The following SLC12A8 variants were observed in gnomAD, a reference collection of about 807,000 sequenced individuals.
SLC12A8 encodes solute carrier family 12 member 8.
A neutral mutation model predicts 75.6 loss-of-function variants in SLC12A8; 69 were observed. That is an observed-to-expected ratio of 0.91 (90% CI 0.75 to 1.11). The LOEUF is 1.11. SLC12A8 is among the 50% of genes most tolerant of loss of function. The pLI is 0.00. For missense variants in SLC12A8, 877 were observed against 896.7 expected, an observed-to-expected ratio of 0.98 and a Z score of 0.28; for synonymous variants, 365 against 372.8, an observed-to-expected ratio of 0.98 and a Z score of 0.24.
intron 6 of SLC12A8, 146 bp from the exon 7 acceptor site, chr3:125,120,832 C>T (rs1040741264): frequency 1.4e-6 from 1 of 717,412 alleles, no homozygotes; most frequent in Non-Finnish European, 2.5e-6. Flanking sequence ...GCATAGGCTG[C>T]TTTTCAATCT....
intron 5 of SLC12A8, among the ~76,000 whole-genome samples, chr3:125,155,682 C>A (rs1428041061): frequency 4.5e-5 from 6 of 133,772 alleles, no homozygotes; most frequent in East Asian, 2.4e-4. Context: ...ACCTGGGAGG[C>A]GGAGCTTGCA....
chr3:125,200,820 C>T (rs1379838544), intron 2 of SLC12A8, among the ~76,000 whole-genome samples: 3 of 152,134 alleles, frequency 2.0e-5, no homozygotes, highest in Admixed American at 6.5e-5. Context: ...TCATGGCTTT[C>T]GGTTTTAAGT....
intron 4 of SLC12A8, among the ~76,000 whole-genome samples, chr3:125,182,412 T>C (rs1191899187): frequency 2.0e-5 from 3 of 152,140 alleles, no homozygotes; most frequent in Non-Finnish European, 4.4e-5. Flanking sequence ...TAAGTAACCA[T>C]TTAAAAAGCA....
chr3:125,191,772 AT>A (rs1298150134), intron 2 of SLC12A8, among the ~76,000 whole-genome samples: 2 of 152,190 alleles, frequency 1.3e-5, no homozygotes, highest in African/African-American at 4.8e-5. Context: ...ACATCCACAG[AT>A]CAAGAAGGGG....
intron 8 of SLC12A8, among the ~76,000 whole-genome samples, chr3:125,115,032 G>T (rs922506149): frequency 6.6e-6 from 1 of 152,064 alleles, no homozygotes; most frequent in Non-Finnish European, 1.5e-5. Flanking sequence ...TGATCTGTAA[G>T]GGTATGCCCA....
chr3:125,147,457 C>G (rs372902624), intron 5 of SLC12A8, among the ~76,000 whole-genome samples: 1 of 152,160 alleles, frequency 6.6e-6, no homozygotes, highest in Non-Finnish European at 1.5e-5. Flanking sequence ...CTTTGCAAGC[C>G]GTTGTGTGCC....
At chr3:125,137,342 G>A (rs149373816) in intron 5 of SLC12A8, among the ~76,000 whole-genome samples, 326 of 152,334 alleles carry the variant, frequency 2.1e-3, no homozygotes, top group African/African-American at 7.4e-3. Context: ...CACAGAATTT[G>A]TTCTGGCATA....
intron 10 of SLC12A8, among the ~76,000 whole-genome samples, chr3:125,105,342 A>T (rs1018296656): frequency 6.6e-6 from 1 of 152,226 alleles, no homozygotes; most frequent in African/African-American, 2.4e-5. Context: ...ATTCTAAGAC[A>T]ACAGCTTTGT....
Position 125,083,796 on chromosome 3 carries a change from T to A in SLC12A8, c.*94A>T, listed in dbSNP as rs1045019631. The A allele has an allele frequency of 7.2e-6, 9 of 1,247,302 alleles. No individual in the cohort carries two copies. Among genetic ancestry groups the A allele is most frequent in the Non-Finnish European group, 1.0e-5 (9 of 897,012 alleles). The allele number at this position is 1,247,302 out of a possible 1,614,324, so 77.3% of individuals were successfully genotyped here. Reference sequence around the variant, plus strand: ...TGACAGCGGGAGGATGGGTCTTGAGTTTCTCAGGTTGGAGAAGCAGCTCCA... The same window carrying A: ...TGACAGCGGGAGGATGGGTCTTGAGATTCTCAGGTTGGAGAAGCAGCTCCA... On this transcript the variant is annotated 3_prime_UTR_variant, in exon 14 of 14. Coordinates refer to ENST00000469902, the MANE Select transcript of SLC12A8 (RefSeq NM_024628.6).
intron 6 of SLC12A8, among the ~76,000 whole-genome samples, chr3:125,129,791 C>T (rs1933307234): frequency 6.6e-6 from 1 of 152,166 alleles, no homozygotes. Context: ...ATAGCTTAAC[C>T]GAACATCTGC....
intron 5 of SLC12A8, among the ~76,000 whole-genome samples, chr3:125,140,031 C>T (rs1469152327): frequency 2.0e-5 from 3 of 152,214 alleles, no homozygotes; most frequent in Non-Finnish European, 4.4e-5. Flanking sequence ...CTACAACTTC[C>T]CAAGGCCTGA....
intron 5 of SLC12A8, among the ~76,000 whole-genome samples, chr3:125,140,761 C>T (rs74635080): frequency 0.018 from 2,705 of 152,036 alleles, 36 homozygotes; most frequent in Non-Finnish European, 0.028. Flanking sequence ...GCTCTATCAC[C>T]GAGGCTGGAG....
At chr3:125,118,925 C>T (rs1310590594) in intron 7 of SLC12A8, 69 bp from the exon 8 acceptor site, 4 of 1,029,826 alleles carry the variant, frequency 3.9e-6, no homozygotes, top group African/African-American at 3.2e-5. Flanking sequence ...AATTCCCTCA[C>T]TCAACCTTCT....
intron 5 of SLC12A8, among the ~76,000 whole-genome samples, chr3:125,150,478 T>C (rs1933892908): frequency 6.6e-6 from 1 of 152,196 alleles, no homozygotes; most frequent in Non-Finnish European, 1.5e-5. Context: ...TTTCCAAATC[T>C]GAATGTACAT....
intron 5 of SLC12A8, among the ~76,000 whole-genome samples, chr3:125,169,010 G>A (rs953850325): frequency 1.3e-5 from 2 of 152,206 alleles, no homozygotes; most frequent in African/African-American, 2.4e-5. Context: ...TAGAGACCAG[G>A]CTACCGTCTT....
At chr3:125,180,241 G>GCTTGT in intron 4 of SLC12A8, among the ~76,000 whole-genome samples, 1 of 152,288 alleles carries the variant, frequency 6.6e-6, no homozygotes, top group East Asian at 1.9e-4. Flanking sequence ...TGGTGGTTAG[G>GCTTGT]AGCATGAATT....
intron 5 of SLC12A8, among the ~76,000 whole-genome samples, chr3:125,159,150 G>T (rs1214374365): frequency 6.6e-6 from 1 of 152,160 alleles, no homozygotes; most frequent in African/African-American, 2.4e-5. Context: ...AATTTTTTAA[G>T]TATGGTTAGT....
chr3:125,175,382 C>G (rs960525315), intron 5 of SLC12A8, among the ~76,000 whole-genome samples: 1 of 151,934 alleles, frequency 6.6e-6, no homozygotes, highest in Non-Finnish European at 1.5e-5. Flanking sequence ...TCAGTGATAC[C>G]AAAAACAGAT....
chr3:125,136,200 C>T (rs1425907203), intron 5 of SLC12A8, among the ~76,000 whole-genome samples: 2 of 152,160 alleles, frequency 1.3e-5, no homozygotes, highest in South Asian at 4.1e-4. Flanking sequence ...AGAATCAAGT[C>T]CAAACTCCTA....
Sources: allele counts gnomAD v4.1 joint callset (sites outside exome capture counted in the v4.1 genomes callset), GRCh38; gene constraint gnomAD v4.1.1; transcripts MANE v1.5; gene names NCBI Gene and HGNC (gene_info 2026-07-23, HGNC 2026-07-21).